Variants in MSH3 observed in about 807,000 individuals in gnomAD.
MSH3 encodes the protein mutS homolog 3, also known as DNA mismatch repair protein Msh3.
In MSH3, 106 loss-of-function variants were observed where a neutral mutation model predicts 123.3. That is an observed-to-expected ratio of 0.86 (90% CI 0.73 to 1.01). The LOEUF is 1.01. Among genes scored for constraint, MSH3 ranks in the 50% least tolerant of loss-of-function variants. MSH3 has a pLI of 0.00. For synonymous variants in MSH3, 515 were observed against 481.4 expected, an observed-to-expected ratio of 1.07 and a Z score of -0.91; for missense variants, 1,459 against 1,347.6, an observed-to-expected ratio of 1.08 and a Z score of -1.29.
At chr5:80,748,850 G>T (rs1034499774) in intron 12 of MSH3, among the ~76,000 whole-genome samples, 2 of 151,926 alleles carry the variant, frequency 1.3e-5, no homozygotes, top group Admixed American at 1.3e-4. Flanking sequence ...AGACTCATTG[G>T]TGGGTTATGT....
chr5:80,756,941 T>G (rs1415939341), intron 12 of MSH3, among the ~76,000 whole-genome samples: 1 of 152,200 alleles, frequency 6.6e-6, no homozygotes, highest in Non-Finnish European at 1.5e-5. Flanking sequence ...CCATTTCACA[T>G]GACCAATGTG....
chr5:80,736,950 A>G (rs1223256143), intron 10 of MSH3, among the ~76,000 whole-genome samples: 5 of 152,136 alleles, frequency 3.3e-5, no homozygotes, highest in South Asian at 4.1e-4. Flanking sequence ...GTATTACTCT[A>G]TGTCGAGTCC....
intron 8 of MSH3, among the ~76,000 whole-genome samples, chr5:80,720,123 TTACTC>T (rs967939590): frequency 5.4e-4 from 83 of 152,350 alleles, no homozygotes; most frequent in Middle Eastern, 3.4e-3. Context: ...CTTAAATACA[TTACTC>T]TATTGTCTGT....
intron 21 of MSH3, among the ~76,000 whole-genome samples, chr5:80,856,745 G>C (rs1745927567): frequency 6.6e-6 from 1 of 152,084 alleles, no homozygotes; most frequent in Non-Finnish European, 1.5e-5. Flanking sequence ...ATTGACTTTT[G>C]TACATTAACC....
At chr5:80,741,939 G>A (rs1743622176) in intron 11 of MSH3, among the ~76,000 whole-genome samples, 1 of 1,434 alleles carries the variant, frequency 7.0e-4, no homozygotes, top group Admixed American at 9.3e-3. Context: ...AATTATTCAG[G>A]TTATAGGTTT....
intron 8 of MSH3, among the ~76,000 whole-genome samples, chr5:80,711,344 G>A (rs1280832897): frequency 6.6e-6 from 1 of 152,182 alleles, no homozygotes; most frequent in Non-Finnish European, 1.5e-5. Flanking sequence ...AAGAAGCGTG[G>A]GCCCTACATC....
At chr5:80,655,926 C>T (rs36231428) in intron 1 of MSH3, among the ~76,000 whole-genome samples, 3 of 152,188 alleles carry the variant, frequency 2.0e-5, no homozygotes, top group Non-Finnish European at 4.4e-5. Context: ...AGAAAAAATT[C>T]ATAATCTTGT....
chr5:80,747,911 T>A (rs1044899056), intron 12 of MSH3, among the ~76,000 whole-genome samples: 6 of 152,192 alleles, frequency 3.9e-5, no homozygotes, highest in African/African-American at 1.2e-4. Flanking sequence ...ATGACAAAAT[T>A]GTCTAACGAT....
In MSH3 at chr5:80,831,982, C is replaced by T. The variant is rs897987435; in HGVS notation, c.2813+18241C>T. ...AAATTAGCCGGGTGTGGTGGCGGGG[C>T]GCCTATAGTCCCAGCTACTCGGGAG... On this transcript the variant is annotated intron_variant, in intron 20 of 23. Coordinates refer to ENST00000265081, the MANE Select transcript of MSH3 (RefSeq NM_002439.5). Among the ~76,000 whole-genome samples the T allele has an allele frequency of 2.8e-4, 42 of 151,704 alleles. No homozygotes were observed. The East Asian group carries it at 6.1e-3, about 22-fold the overall frequency.
chr5:80,861,401 T>C (rs563007956), intron 21 of MSH3, among the ~76,000 whole-genome samples: 188 of 152,232 alleles, frequency 1.2e-3, no homozygotes, highest in African/African-American at 4.4e-3. Flanking sequence ...GGGTATTTCC[T>C]TTCTCTCATA....
At chr5:80,861,738 T>C (rs183959049) in intron 21 of MSH3, among the ~76,000 whole-genome samples, 9 of 152,266 alleles carry the variant, frequency 5.9e-5, no homozygotes, top group Admixed American at 2.6e-4. Context: ...CCTCCAGCAA[T>C]TGATCAGTTC....
At chr5:80,833,327 A>G (rs989014378) in intron 20 of MSH3, among the ~76,000 whole-genome samples, 4 of 152,362 alleles carry the variant, frequency 2.6e-5, no homozygotes, top group Middle Eastern at 3.4e-3. Flanking sequence ...CAGCTTGATA[A>G]TAATAACATA....
In MSH3 at chr5:80,725,453, T is replaced by C. The variant is rs1743268592; in HGVS notation, c.1341T>C (p.Ser447=). 1 of 1,610,198 alleles carries C rather than the reference T, an allele frequency of 6.2e-7. No individual in the cohort carries two copies. The highest frequency in any genetic ancestry group is 8.5e-7 in the Non-Finnish European group (1 of 1,176,544). ...TTGAAATTTTCCTTTTTTCTTTCAGTGTGCAGGATGACAGAATTCGAGTCG... is the reference window on the plus strand; with the variant it reads ...TTGAAATTTTCCTTTTTTCTTTCAGCGTGCAGGATGACAGAATTCGAGTCG... ...EALIHRATSV[S]VQDDRIRVER... The change falls in exon 9 of 24, where the codon AGT becomes AGC. Residue 447 remains serine, a splice_region_variant and synonymous_variant. Coordinates refer to ENST00000265081, the MANE Select transcript of MSH3 (RefSeq NM_002439.5).
chr5:80,791,770 A>G (rs1362369605), intron 18 of MSH3, among the ~76,000 whole-genome samples: 1 of 152,202 alleles, frequency 6.6e-6, no homozygotes, highest in Non-Finnish European at 1.5e-5. Context: ...GATAGATTAC[A>G]GTATGACTTT....
intron 10 of MSH3, among the ~76,000 whole-genome samples, chr5:80,729,589 CA>C (rs1327620053): frequency 6.6e-6 from 1 of 151,796 alleles, no homozygotes; most frequent in Non-Finnish European, 1.5e-5. Context: ...TATTAAAAAG[CA>C]TTCATAAAAA....
rs1487268212 is a variant in MSH3 at position 80,768,857 on chromosome 5, T to C, written c.2107T>C (p.Phe703Leu). Residue 703 changes from phenylalanine (F) to leucine (L), a missense_variant, in exon 15 of 24, where the codon TTT (phenylalanine) becomes CTT (leucine). Transcript: ENST00000265081. ...AAKVGDKTEL[F>L]KDLSDFPLIK... Reference sequence around the variant, plus strand: ...TAGAGTTGGGGATAAAACTGAATTATTTAAAGACCTTTCTGACTTCCCTTT... The same window carrying C: ...TAGAGTTGGGGATAAAACTGAATTACTTAAAGACCTTTCTGACTTCCCTTT... The C allele has an allele frequency of 4.3e-6, 7 of 1,609,836 alleles. No individual in the cohort carries two copies. The highest frequency in any genetic ancestry group is 5.9e-6 in the Non-Finnish European group (7 of 1,176,606).
intron 20 of MSH3, among the ~76,000 whole-genome samples, chr5:80,817,351 G>A (rs926817332): frequency 2.0e-5 from 3 of 152,106 alleles, no homozygotes; most frequent in Non-Finnish European, 4.4e-5. Context: ...GTGGAGTGGT[G>A]GGGCCACACT....
At chr5:80,788,162 C>T (rs139630369) in intron 18 of MSH3, among the ~76,000 whole-genome samples, 1 of 152,174 alleles carries the variant, frequency 6.6e-6, no homozygotes, top group South Asian at 2.1e-4. Context: ...GATGGCTGGG[C>T]GCATGGCTCA....
At chr5:80,830,310 C>T (rs1159782463) in intron 20 of MSH3, among the ~76,000 whole-genome samples, 1 of 152,124 alleles carries the variant, frequency 6.6e-6, no homozygotes, top group African/African-American at 2.4e-5. Flanking sequence ...TGCCCTTGAA[C>T]TCTTATTTTT....
Sources: allele counts gnomAD v4.1 joint callset (sites outside exome capture counted in the v4.1 genomes callset), GRCh38; gene constraint gnomAD v4.1.1; transcripts MANE v1.5; gene names NCBI Gene and HGNC (gene_info 2026-07-23, HGNC 2026-07-21).